Variants in MEIKIN observed in about 807,000 individuals in gnomAD.
MEIKIN encodes the protein meiotic kinetochore factor.
At chr5:131,879,902 T>C (rs149737533) in intron 8 of MEIKIN, among the ~76,000 whole-genome samples, 3 of 152,318 alleles carry the variant, frequency 2.0e-5, no homozygotes, top group African/African-American at 4.8e-5. Flanking sequence ...CATATGCATT[T>C]AAAATTGCAT....
rs78978860 is a variant in MEIKIN at position 131,939,394 on chromosome 5, T to G, written c.349+3241A>C. Among the ~76,000 whole-genome samples, 1,324 of 152,164 alleles carry G rather than the reference T, an allele frequency of 8.7e-3. 23 individuals carry two copies. Among genetic ancestry groups the G allele is most frequent in the African/African-American group, 0.031 (1,275 of 41,488 alleles). ...AGCTTTTTTTTTTTTTAAGATCTGT[T>G]AGGTCAATTATAATTCATTAATCTA... On this transcript the variant is annotated intron_variant, in intron 4 of 12. Transcript: ENST00000442687.
intron 4 of MEIKIN, among the ~76,000 whole-genome samples, chr5:131,939,632 A>G (rs1751836624): frequency 6.6e-6 from 1 of 152,216 alleles, no homozygotes; most frequent in Non-Finnish European, 1.5e-5. Context: ...CCAAGGTAGA[A>G]TTAAAACAAT....
chr5:131,891,651 G>T (rs925205989), intron 8 of MEIKIN, among the ~76,000 whole-genome samples: 1 of 151,986 alleles, frequency 6.6e-6, no homozygotes, highest in Non-Finnish European at 1.5e-5. Flanking sequence ...CACACTGATG[G>T]GTCTTGACTC....
intron 8 of MEIKIN, among the ~76,000 whole-genome samples, chr5:131,890,993 G>T (rs1024424272): frequency 1.3e-5 from 2 of 152,160 alleles, no homozygotes; most frequent in African/African-American, 4.8e-5. Flanking sequence ...TCATTCAGGA[G>T]CAGGTTGTTC....
intron 11 of MEIKIN, among the ~76,000 whole-genome samples, chr5:131,825,640 C>T (rs965577259): frequency 2.0e-5 from 3 of 152,144 alleles, no homozygotes; most frequent in Non-Finnish European, 2.9e-5. Context: ...CCAAAACCTC[C>T]GGCATCAAAA....
At chr5:131,843,023 A>G (rs1394857914) in intron 11 of MEIKIN, among the ~76,000 whole-genome samples, 1 of 152,214 alleles carries the variant, frequency 6.6e-6, no homozygotes, top group Non-Finnish European at 1.5e-5. Flanking sequence ...CTGCAGGCCC[A>G]ACACCATGTG....
chr5:131,855,647 A>G (rs192403916), intron 9 of MEIKIN, among the ~76,000 whole-genome samples: 8 of 152,198 alleles, frequency 5.3e-5, no homozygotes, highest in Admixed American at 5.2e-4. Flanking sequence ...AGAGAAAAAG[A>G]GGAAGACCAA....
intron 9 of MEIKIN, among the ~76,000 whole-genome samples, chr5:131,875,893 G>A (rs1249256014): frequency 6.6e-6 from 1 of 152,162 alleles, no homozygotes; most frequent in African/African-American, 2.4e-5. Flanking sequence ...AAGCAATGGG[G>A]AAAGGATTCG....
intron 9 of MEIKIN, among the ~76,000 whole-genome samples, chr5:131,871,866 C>A (rs546150232): frequency 6.6e-6 from 1 of 152,324 alleles, no homozygotes; most frequent in South Asian, 2.1e-4. Context: ...GCAGCCACCA[C>A]TGCTGATACC....
chr5:131,852,833 T>C (rs1184640713), intron 10 of MEIKIN, among the ~76,000 whole-genome samples: 1 of 151,266 alleles, frequency 6.6e-6, no homozygotes, highest in Non-Finnish European at 1.5e-5. Flanking sequence ...TTTAAAAATA[T>C]GTTGATATTT....
chr5:131,851,589 T>C (rs1199050895), intron 10 of MEIKIN, among the ~76,000 whole-genome samples: 1 of 152,232 alleles, frequency 6.6e-6, no homozygotes, highest in Non-Finnish European at 1.5e-5. Flanking sequence ...GACAAATCAA[T>C]CTGTAAAATG....
At chr5:131,827,357 G>A (rs1210363904) in intron 11 of MEIKIN, among the ~76,000 whole-genome samples, 2 of 152,002 alleles carry the variant, frequency 1.3e-5, no homozygotes, top group Non-Finnish European at 2.9e-5. Context: ...CTGGATGAAA[G>A]GAAATAATAA....
At chr5:131,851,208 C>G (rs1750108807) in intron 11 of MEIKIN, 56 bp downstream of exon 11, 1 of 395,518 alleles carries the variant, frequency 2.5e-6, no homozygotes, top group South Asian at 1.3e-4. Flanking sequence ...TACAAAGTAT[C>G]TAATGTAACA....
At chr5:131,837,049 T>C (rs942666692) in intron 11 of MEIKIN, among the ~76,000 whole-genome samples, 1 of 152,170 alleles carries the variant, frequency 6.6e-6, no homozygotes, top group Admixed American at 6.5e-5. Context: ...TTTTTACACA[T>C]GGTGTAAGGA....
chr5:131,898,590 G>T (rs1244472099), intron 8 of MEIKIN, among the ~76,000 whole-genome samples: 1 of 152,244 alleles, frequency 6.6e-6, no homozygotes, highest in Non-Finnish European at 1.5e-5. Context: ...CCCAGTTCGA[G>T]CTTCCCAGCC....
chr5:131,853,913 G>A (rs1750153768), intron 10 of MEIKIN, among the ~76,000 whole-genome samples: 1 of 152,144 alleles, frequency 6.6e-6, no homozygotes, highest in Non-Finnish European at 1.5e-5. Context: ...AAATGGTACA[G>A]CTACTAAGGA....
chr5:131,866,073 C>T (rs13159139), intron 9 of MEIKIN, among the ~76,000 whole-genome samples: 1 of 152,142 alleles, frequency 6.6e-6, no homozygotes, highest in East Asian at 1.9e-4. Flanking sequence ...TGGGTGAATT[C>T]TAGAGTCCTT....
chr5:131,842,928 T>C (rs995750282), intron 11 of MEIKIN, among the ~76,000 whole-genome samples: 4 of 152,246 alleles, frequency 2.6e-5, no homozygotes, highest in Non-Finnish European at 5.9e-5. Flanking sequence ...TGCAGCAGAC[T>C]TCTGCCTGGA....
At chr5:131,849,697 G>A (rs940798437) in intron 11 of MEIKIN, among the ~76,000 whole-genome samples, 1 of 151,032 alleles carries the variant, frequency 6.6e-6, no homozygotes, top group Non-Finnish European at 1.5e-5. Context: ...AACGAATACA[G>A]CCATATATGA....
Sources: gnomAD v4.1 joint callset for allele counts (sites outside exome capture counted in the v4.1 genomes callset) on GRCh38, gnomAD v4.1.1 for gene constraint, MANE v1.5 for transcripts, NCBI Gene and HGNC (gene_info 2026-07-23, HGNC 2026-07-21) for gene names.